The following KCNQ1 variants were observed in gnomAD, a reference collection of about 807,000 sequenced individuals.
KCNQ1 encodes potassium voltage-gated channel subfamily Q member 1.
KCNQ1 carries 49 observed loss-of-function variants against 72.4 expected under a neutral mutation model. That is an observed-to-expected ratio of 0.68 (90% confidence interval 0.54 to 0.86). The LOEUF is 0.86. Among genes scored for constraint, KCNQ1 ranks in the 40% least tolerant of loss-of-function variants. The pLI, the probability that KCNQ1 is intolerant of heterozygous loss-of-function variation, is 0.00. For missense variants in KCNQ1, 790 were observed against 945.1 expected, an observed-to-expected ratio of 0.84 and a Z score of 2.15; for synonymous variants, 450 against 412.6, an observed-to-expected ratio of 1.09 and a Z score of -1.10.
chr11:2,692,440 C>T (rs1295068961), intron 11 of KCNQ1: 2 of 398,570 alleles, frequency 5.0e-6, no homozygotes, highest in African/African-American at 4.1e-5. Flanking sequence ...AGTTTAGAGA[C>T]CTGTGGGTCT....
chr11:2,642,516 A>G lies in KCNQ1; in HGVS notation c.1394-19445A>G. ...TTTGTATTTCATGGTATGAGTTGTA[A>G]TATCCCCTTTTTCATTTTTGATTTT... On this transcript the variant is annotated intron_variant, in intron 10 of 15. Transcript: ENST00000155840. The surrounding 1 kb of genome is among the most constrained non-coding windows in gnomAD (Gnocchi z 4.3). The G allele has an allele frequency of 5.0e-6, 2 of 397,924 alleles. No individual in the cohort carries two copies. The highest frequency in any genetic ancestry group is 8.9e-6 in the Non-Finnish European group (2 of 225,688). The allele number at this position is 397,924 out of a possible 1,614,324, so 24.6% of individuals were successfully genotyped here.
intron 10 of KCNQ1, chr11:2,636,592 T>C (rs1236585903): frequency 1.3e-5 from 2 of 152,074 alleles, no homozygotes; most frequent in Non-Finnish European, 2.9e-5. Context: ...TTTGCCAGTA[T>C]TTTATTGAGG....
In KCNQ1 at chr11:2,612,729, C is replaced by G. The variant is rs1849000918; in HGVS notation, c.1393+23875C>G. ...TGAAATCGCGCCCTAACATTTGGGGCCCTTCAGAGATAATTCCTATTTATT... is the reference window on the plus strand; with the variant it reads ...TGAAATCGCGCCCTAACATTTGGGGGCCTTCAGAGATAATTCCTATTTATT... On this transcript the variant is annotated intron_variant, in intron 10 of 15. Transcript: ENST00000155840. This position sits in a 1 kb window ranked among gnomAD's most constrained non-coding sequence, Gnocchi z 5.5. 2.5e-6 allele frequency: 1 copy of G among 398,482 alleles called. No homozygotes were observed. The highest frequency in any genetic ancestry group is 4.4e-6 in the Non-Finnish European group (1 of 226,048). 24.7% of individuals were successfully genotyped at this position (398,482 alleles called of 1,614,324 possible). A position where few individuals can be genotyped will look rare whatever the true frequency, so the allele number is the denominator to read the frequency against.
chr11:2,756,700 C>T (rs900328164), intron 11 of KCNQ1, among the ~76,000 whole-genome samples: 5 of 152,034 alleles, frequency 3.3e-5, no homozygotes, highest in African/African-American at 1.2e-4. Flanking sequence ...AATCCGCCCA[C>T]CTTGGCCTCC....
intron 10 of KCNQ1, among the ~76,000 whole-genome samples, chr11:2,597,058 A>G (rs1848743317): frequency 6.6e-6 from 1 of 152,206 alleles, no homozygotes; most frequent in Non-Finnish European, 1.5e-5. Context: ...GTTCACAGAA[A>G]AGGAAATACC....
At chr11:2,755,434 G>A (rs768266589) in intron 11 of KCNQ1, among the ~76,000 whole-genome samples, 4 of 152,162 alleles carry the variant, frequency 2.6e-5, no homozygotes, top group Non-Finnish European at 4.4e-5. Context: ...TTAATTTTGT[G>A]TAGAGGTGGA....
At chr11:2,631,413 C>A (rs1325256933) in intron 10 of KCNQ1, 2 of 398,384 alleles carry the variant, frequency 5.0e-6, no homozygotes, top group Non-Finnish European at 8.8e-6. Context: ...TATTCTTCAC[C>A]TCCAAAATGT....
chr11:2,746,730 T>C lies in KCNQ1; in HGVS notation c.1515-22114T>C, dbSNP rs1427817503. ...CGATGCTGTCTCTGTCTCCTGGCTCTGAGGCCGTGGCTGTCAATCTCTTCA... is the reference window on the plus strand; with the variant it reads ...CGATGCTGTCTCTGTCTCCTGGCTCCGAGGCCGTGGCTGTCAATCTCTTCA... On this transcript the variant is annotated intron_variant, in intron 11 of 15. Transcript: ENST00000155840. The surrounding 1 kb of genome is among the most constrained non-coding windows in gnomAD (Gnocchi z 5.9). Among the ~76,000 whole-genome samples, 1 of 152,260 alleles carries C rather than the reference T, an allele frequency of 6.6e-6. No homozygotes were observed. The highest frequency in any genetic ancestry group is 2.4e-5 in the African/African-American group (1 of 41,472).
At chr11:2,580,339 G>A (rs1399625204) in intron 6 of KCNQ1, among the ~76,000 whole-genome samples, 2 of 152,094 alleles carry the variant, frequency 1.3e-5, no homozygotes, top group Admixed American at 1.3e-4. Flanking sequence ...TGGGCATTGT[G>A]CCATCACTAT....
At chr11:2,666,933 C>G in intron 11 of KCNQ1, 2 of 398,698 alleles carry the variant, frequency 5.0e-6, no homozygotes, top group Non-Finnish European at 8.8e-6. Flanking sequence ...CTCCAGACCA[C>G]CTCTGTCTGC....
chr11:2,500,435 A>AATT (rs1589914803), intron 1 of KCNQ1, among the ~76,000 whole-genome samples: 1 of 152,198 alleles, frequency 6.6e-6, no homozygotes, highest in African/African-American at 2.4e-5. Flanking sequence ...TGGGAGTGTA[A>AATT]ATTAGTTCAA....
chr11:2,647,164 G>C lies in KCNQ1; in HGVS notation c.1394-14797G>C. 2 of 397,738 alleles carry C rather than the reference G, an allele frequency of 5.0e-6. No homozygotes were observed. The highest frequency in any genetic ancestry group is 8.9e-6 in the Non-Finnish European group (2 of 225,984). The allele number at this position is 397,738 out of a possible 1,614,324, so 24.6% of individuals were successfully genotyped here. A position where few individuals can be genotyped will look rare whatever the true frequency, so the allele number is the denominator to read the frequency against. ...GTTCCTTCTAGACATTATGTGATGA[G>C]CTTTTTTTTTTATCATGAAGAGATT... On this transcript the variant is annotated intron_variant, in intron 10 of 15. Transcript: ENST00000155840. The surrounding 1 kb of genome is among the most constrained non-coding windows in gnomAD (Gnocchi z 4.0).
chr11:2,540,266 A>G (rs1847803329), intron 2 of KCNQ1, among the ~76,000 whole-genome samples: 1 of 152,170 alleles, frequency 6.6e-6, no homozygotes, highest in Admixed American at 6.5e-5. Flanking sequence ...AGTTCTAATT[A>G]TGTTCTTGGC....
rs1849958522 is a variant in KCNQ1 at position 2,661,671 on chromosome 11, C to T, written c.1394-290C>T. 1.7e-6 allele frequency: 1 copy of T among 596,926 alleles called. No individual in the cohort carries two copies. Among genetic ancestry groups the T allele is most frequent in the African/African-American group, 1.9e-5 (1 of 53,932 alleles). 37.0% of individuals were successfully genotyped at this position (596,926 alleles called of 1,614,324 possible). A position where few individuals can be genotyped will look rare whatever the true frequency, so the allele number is the denominator to read the frequency against. ...GTGAACATGGGAAGAGGCCCAGAAC[C>T]TGAGGTGGGGAGAGTCTTGGACACC... On this transcript the variant is annotated intron_variant, in intron 10 of 15. Transcript: ENST00000155840. The surrounding 1 kb of genome is among the most constrained non-coding windows in gnomAD (Gnocchi z 5.9).
In KCNQ1 at chr11:2,767,766, C is replaced by G. The variant is rs113018360; in HGVS notation, c.1515-1078C>G. ...TGCTTAGCTTTTACCCCTTCAGCAA[C>G]TGCTTTTTGCTCAGTTTCTGTGATT... is the stretch of plus-strand genomic sequence containing the variant. On this transcript the variant is annotated intron_variant, in intron 11 of 15. Transcript: ENST00000155840. The surrounding 1 kb of genome is among the most constrained non-coding windows in gnomAD (Gnocchi z 4.6). 1.8e-3 allele frequency among the ~76,000 whole-genome samples: 267 copies of G among 152,342 alleles called. 2 individuals carry two copies. The highest frequency in any genetic ancestry group is 6.1e-3 in the African/African-American group (255 of 41,584).
In KCNQ1 at chr11:2,659,840, T is replaced by C. The variant is rs557024267; in HGVS notation, c.1394-2121T>C. ...ATTTGCATTTCCATATTTATGTTAATTATGTATCTTTTCATGTGCTTATTT... is the reference window on the plus strand; with the variant it reads ...ATTTGCATTTCCATATTTATGTTAACTATGTATCTTTTCATGTGCTTATTT... On this transcript the variant is annotated intron_variant, in intron 10 of 15. Transcript: ENST00000155840. The surrounding 1 kb of genome is among the most constrained non-coding windows in gnomAD (Gnocchi z 4.3). 2.5e-6 allele frequency: 1 copy of C among 398,502 alleles called. No homozygotes were observed. Among genetic ancestry groups the C allele is most frequent in the Admixed American group, 4.4e-5 (1 of 22,744 alleles). 24.7% of individuals were successfully genotyped at this position (398,502 alleles called of 1,614,324 possible). A position where few individuals can be genotyped will look rare whatever the true frequency, so the allele number is the denominator to read the frequency against.
chr11:2,785,116 A>G lies in KCNQ1; in HGVS notation c.1794+7079A>G, dbSNP rs2134000824. On this transcript the variant is annotated intron_variant, in intron 15 of 15. Coordinates refer to ENST00000155840, the MANE Select transcript of KCNQ1 (RefSeq NM_000218.3). This position sits in a 1 kb window ranked among gnomAD's most constrained non-coding sequence, Gnocchi z 4.4. ...GAAAATCATTCAATCAATTTCCATT[A>G]GCTCTGAGTTTTCCATAGATGCCTT... is the stretch of plus-strand genomic sequence containing the variant. Among the ~76,000 whole-genome samples the G allele has an allele frequency of 6.6e-6, 1 of 152,024 alleles. No individual in the cohort carries two copies. Among genetic ancestry groups the G allele is most frequent in the East Asian group, 1.9e-4 (1 of 5,202 alleles).
intron 11 of KCNQ1, among the ~76,000 whole-genome samples, chr11:2,714,036 C>T (rs1027552827): frequency 5.7e-4 from 87 of 151,968 alleles, no homozygotes; most frequent in Non-Finnish European, 5.4e-4. Context: ...GCAGCCCTCC[C>T]CCACACAGGC....
In KCNQ1 at chr11:2,601,623, C is replaced by G. The variant is rs4929999; in HGVS notation, c.1393+12769C>G. ...GACCACTCATCTGTTCTCTGATTCT[C>G]TAGTTTTGTCTTTTCAAAAATGCCA... On this transcript the variant is annotated intron_variant, in intron 10 of 15. Coordinates refer to ENST00000155840, the MANE Select transcript of KCNQ1 (RefSeq NM_000218.3). This position sits in a 1 kb window ranked among gnomAD's most constrained non-coding sequence, Gnocchi z 5.2. Among the ~76,000 whole-genome samples the G allele has an allele frequency of 0.18, 26,738 of 152,112 alleles. 2,853 individuals are homozygous for G. Among genetic ancestry groups the G allele is most frequent in the South Asian group, 0.29 (1,415 of 4,818 alleles).
Sources: gnomAD v4.1 joint callset for allele counts (sites outside exome capture counted in the v4.1 genomes callset) on GRCh38, gnomAD v4.1.1 for gene constraint, Gnocchi (gnomAD v3.1) non-coding constraint, MANE v1.5 for transcripts, NCBI Gene and HGNC (gene_info 2026-07-23, HGNC 2026-07-21) for gene names.